Variants in NLRP8 observed in about 807,000 individuals in gnomAD.
NLRP8 encodes the protein NLR family pyrin domain containing 8, also known as NACHT, LRR and PYD domains-containing protein 8.
NLRP8 carries 86 observed loss-of-function variants against 88.7 expected under a neutral mutation model. That is an observed-to-expected ratio of 0.97 (90% CI 0.81 to 1.16). The LOEUF (loss-of-function observed/expected upper bound fraction) is 1.16. NLRP8 is among the 50% of genes most tolerant of loss of function. The probability of loss-of-function intolerance (pLI) is 0.00; values close to 1 mark genes in which losing one functional copy is unlikely to be tolerated. For missense variants in NLRP8, 1,342 were observed against 1,286.5 expected (o/e 1.04, Z -0.66); for synonymous variants, 504 against 494.6 (o/e 1.02, Z -0.25).
At chr19:55,956,955 GC>G (rs1048360731) in intron 3 of NLRP8, among the ~76,000 whole-genome samples, 1 of 152,076 alleles carries the variant, frequency 6.6e-6, no homozygotes, top group African/African-American at 2.4e-5. Context: ...ACCATGCCTG[GC>G]TAATTTTTTA....
intron 2 of NLRP8, 28 bp from the exon 3 acceptor site, chr19:55,954,473 C>G: frequency 2.5e-6 from 4 of 1,602,236 alleles, no homozygotes; most frequent in Non-Finnish European, 3.4e-6. Flanking sequence ...ATGTCATACC[C>G]TTTATTTCTC....
At chr19:55,970,750 G>A (rs1980041779) in intron 6 of NLRP8, 54 bp downstream of exon 6, 5 of 1,605,774 alleles carry the variant, frequency 3.1e-6, no homozygotes, top group Non-Finnish European at 4.3e-6. Flanking sequence ...GTGGTTGTTT[G>A]GTAGATTTAG....
chr19:55,978,595 C>T (rs1231811107), intron 8 of NLRP8, among the ~76,000 whole-genome samples: 1 of 152,074 alleles, frequency 6.6e-6, no homozygotes, highest in Non-Finnish European at 1.5e-5. Flanking sequence ...AACCCGTTAA[C>T]CCATTAATCT....
At chr19:55,960,611 A>G (rs973803401) in intron 3 of NLRP8, among the ~76,000 whole-genome samples, 1 of 152,158 alleles carries the variant, frequency 6.6e-6, no homozygotes, top group Non-Finnish European at 1.5e-5. Context: ...TAGTCCATTG[A>G]TCACTTTTGT....
intron 9 of NLRP8, among the ~76,000 whole-genome samples, chr19:55,980,323 T>C (rs1980519397): frequency 6.6e-6 from 1 of 152,100 alleles, no homozygotes; most frequent in Non-Finnish European, 1.5e-5. Context: ...TCTCAACCAG[T>C]GGTGGGTTCT....
At chr19:55,975,871 A>G (rs915503801) in intron 7 of NLRP8, among the ~76,000 whole-genome samples, 2 of 152,148 alleles carry the variant, frequency 1.3e-5, no homozygotes, top group Non-Finnish European at 2.9e-5. Context: ...AATATTCTAA[A>G]ATTGTGGTGA....
At chr19:55,964,766 GA>G (rs891608562) in intron 4 of NLRP8, among the ~76,000 whole-genome samples, 1 of 149,138 alleles carries the variant, frequency 6.7e-6, no homozygotes, top group Non-Finnish European at 1.5e-5. Context: ...AAAAAAAAAA[GA>G]AAAAAAGAAC....
Position 55,955,832 on chromosome 19 carries a change from C to A in NLRP8, c.1774C>A (p.Pro592Thr), listed in dbSNP as rs190265141. Residue 592 changes from proline to threonine, a missense_variant, in exon 3 of 10, where the codon CCT becomes ACT. Transcript: ENST00000291971. ...TAAGAGGAAACTGCTGAAAGTCATACCTCTGTTGCATAAATGTGACCCACC... is the reference window on the plus strand; with the variant it reads ...TAAGAGGAAACTGCTGAAAGTCATAACTCTGTTGCATAAATGTGACCCACC... 8.1e-6 allele frequency: 13 copies of A among 1,614,038 alleles called. No homozygotes were observed. In the African/African-American group the frequency reaches 9.3e-5, roughly 12 times the overall value.
At chr19:55,987,253 C>G (rs1245516336) in intron 9 of NLRP8, among the ~76,000 whole-genome samples, 1 of 152,190 alleles carries the variant, frequency 6.6e-6, no homozygotes, top group East Asian at 1.9e-4. Flanking sequence ...GCCTATAATC[C>G]CACCTTCTAG....
chr19:55,976,726 A>ATGC (rs149147682), intron 8 of NLRP8, among the ~76,000 whole-genome samples: 1 of 19,916 alleles, frequency 5.0e-5, no homozygotes, highest in Admixed American at 4.5e-4. Flanking sequence ...ATACATATAT[A>ATGC]AATATATATG....
chr19:55,959,369 G>T (rs1364841466), intron 3 of NLRP8, among the ~76,000 whole-genome samples: 1 of 150,846 alleles, frequency 6.6e-6, no homozygotes, highest in East Asian at 2.0e-4. Context: ...CCGCCACCAC[G>T]CCTGGCTAAT....
Position 55,948,303 on chromosome 19 carries a change from G to A in NLRP8, c.367+34G>A, listed in dbSNP as rs1285801512. 1.9e-6 allele frequency: 3 copies of A among 1,576,916 alleles called. No homozygotes were observed. In the Admixed American group the frequency reaches 5.1e-5, roughly 27 times the overall value. On this transcript the variant is annotated intron_variant, in intron 1 of 9. Transcript: ENST00000291971. ...TGATCTGGTGGATAAAGTGGGGGTG[G>A]GCTTGGCTGCTGGGCAGCTAAACTA...
rs199475838 is a variant in NLRP8 at position 55,962,064 on chromosome 19, T to C, written c.2043-3T>C. On this transcript the variant is annotated splice_polypyrimidine_tract_variant and splice_region_variant and intron_variant, in intron 3 of 9. Transcript: ENST00000291971. Reference sequence around the variant, plus strand: ...TGTTTTCTCTCTTCTCCCTTCCATGTAGAGCGCCAGAGAGCAATGGGCTGC... The same window carrying C: ...TGTTTTCTCTCTTCTCCCTTCCATGCAGAGCGCCAGAGAGCAATGGGCTGC... 2.5e-6 allele frequency: 4 copies of C among 1,613,124 alleles called. No homozygotes were observed. Among genetic ancestry groups the C allele is most frequent in the South Asian group, 1.1e-5 (1 of 91,048 alleles).
At position 55,966,287 on chromosome 19, in the gene NLRP8, A is replaced by G. The variant is rs1222624705; in HGVS notation, c.2288A>G (p.Tyr763Cys). 1.9e-5 allele frequency: 31 copies of G among 1,613,972 alleles called. No individual in the cohort carries two copies. Among genetic ancestry groups the G allele is most frequent in the Non-Finnish European group, 2.5e-5 (30 of 1,179,972 alleles). ...TTGACGGGGAACCAGCATCTGAGAT[A>G]CTTGGAAATACAACATGTGGAAGTG... Residue 763 changes from tyrosine (Y) to cysteine (C), a missense_variant, in exon 5 of 10, where the codon TAC (tyrosine) becomes TGC (cysteine). Transcript: ENST00000291971.
intron 1 of NLRP8, among the ~76,000 whole-genome samples, chr19:55,949,530 A>G (rs972574188): frequency 6.6e-6 from 1 of 151,886 alleles, no homozygotes; most frequent in African/African-American, 2.4e-5. Flanking sequence ...GAGCCACCAC[A>G]CCCGGCCTAG....
chr19:55,955,662 A>T lies in NLRP8; in HGVS notation c.1604A>T (p.His535Leu). The T allele has an allele frequency of 6.2e-7, 1 of 1,614,220 alleles. No homozygotes were observed. The highest frequency in any genetic ancestry group is 8.5e-7 in the Non-Finnish European group (1 of 1,180,034). Residue 535 changes from histidine (H) to leucine (L), a missense_variant, in exon 3 of 10, where the codon CAC becomes CTC. His to Leu is a moderately conservative substitution (Grantham distance 99, BLOSUM62 -3). Transcript: ENST00000291971. ...CTCAAAAATTTTCATGTGTTGAGCC[A>T]CGTGAATATCCAGCGCCTGATAGCG... is the stretch of plus-strand genomic sequence containing the variant.
chr19:55,962,372 A>G (rs989620183), intron 4 of NLRP8, 135 bp downstream of exon 4: 19 of 933,670 alleles, frequency 2.0e-5, no homozygotes, highest in Admixed American at 2.8e-5. Context: ...GAGGTGCAGG[A>G]GGAATGAGTC....
intron 5 of NLRP8, 47 bp downstream of exon 5, chr19:55,966,427 G>T: frequency 6.3e-7 from 1 of 1,585,728 alleles, no homozygotes; most frequent in South Asian, 1.1e-5. Context: ...GTACCCGGAT[G>T]GTCTTTTCAA....
At chr19:55,975,762 A>C (rs1980280900) in intron 7 of NLRP8, among the ~76,000 whole-genome samples, 1 of 143,156 alleles carries the variant, frequency 7.0e-6, no homozygotes, top group Non-Finnish European at 1.5e-5. Flanking sequence ...TAGTGGTGTT[A>C]GGGTTGGGGT....
Sources: allele counts gnomAD v4.1 joint callset (sites outside exome capture counted in the v4.1 genomes callset), GRCh38; gene constraint gnomAD v4.1.1; transcripts MANE v1.5; gene names NCBI Gene and HGNC (gene_info 2026-07-23, HGNC 2026-07-21).